The following HAUS6 variants were observed in gnomAD, a reference collection of about 807,000 sequenced individuals.
HAUS6 encodes HAUS augmin-like complex subunit 6.
Under a neutral mutation model 106.8 loss-of-function variants are expected in HAUS6, and 80 were observed. That is an observed-to-expected ratio of 0.75 (90% CI 0.63 to 0.90). The LOEUF is 0.90. Among genes scored for constraint, HAUS6 ranks in the 40% least tolerant of loss-of-function variants. The pLI, the probability that HAUS6 is intolerant of heterozygous loss-of-function variation, is 0.00. For missense variants in HAUS6, 1,155 were observed against 1,118.1 expected, an observed-to-expected ratio of 1.03 and a Z score of -0.47; for synonymous variants, 356 against 379.1, an observed-to-expected ratio of 0.94 and a Z score of 0.71.
At position 19,053,163 on chromosome 9, in the gene HAUS6, A is replaced by C. The variant is rs1370462736; in HGVS notation, c.*3180T>G. On this transcript the variant is annotated 3_prime_UTR_variant, in exon 17 of 17. Transcript: ENST00000380502. ...CCAGATAGTATAAAATATTTATTGA[A>C]AACAACAGTATTTAAAACATTTACA... 6.6e-6 allele frequency: 1 copy of C among 152,128 alleles called. No homozygotes were observed. Among genetic ancestry groups the C allele is most frequent in the Non-Finnish European group, 1.5e-5 (1 of 67,990 alleles). 9.4% of individuals were successfully genotyped at this position (152,128 alleles called of 1,614,324 possible).
intron 4 of HAUS6, among the ~76,000 whole-genome samples, chr9:19,092,831 A>T (rs1278142390): frequency 6.6e-6 from 1 of 151,136 alleles, no homozygotes; most frequent in Admixed American, 6.6e-5. Context: ...AGGCTGAGGC[A>T]GGAAAATTGC....
chr9:19,096,761 A>G lies in HAUS6; in HGVS notation c.137T>C (p.Phe46Ser), dbSNP rs769801485. 1 of 1,511,628 alleles carries G rather than the reference A, an allele frequency of 6.6e-7. No individual in the cohort carries two copies. The highest frequency in any genetic ancestry group is 9.0e-7 in the Non-Finnish European group (1 of 1,111,974). The allele number at this position is 1,511,628 out of a possible 1,614,324, so 93.6% of individuals were successfully genotyped here. A position where few individuals can be genotyped will look rare whatever the true frequency, so the allele number is the denominator to read the frequency against. Residue 46 changes from phenylalanine (F) to serine (S), a missense_variant, in exon 2 of 17, where the codon TTT (phenylalanine) becomes TCT (serine). By Grantham distance (155) the Phe-to-Ser change is radical. Coordinates refer to ENST00000380502, the MANE Select transcript of HAUS6 (RefSeq NM_017645.5). The stretch of plus-strand genomic sequence containing the variant: ...AAAGGCATCACGGTTCAGCTTGTCA[A>G]ACATGTTCCTAGTGGTTAAAAATGA... ...VSHTHLGVNMFDKLNRDAFHI... is the reference protein window; with the variant it reads ...VSHTHLGVNMSDKLNRDAFHI...
In HAUS6 at chr9:19,090,755, T is replaced by C. The variant is rs140452949; in HGVS notation, c.437-1196A>G. 3.1e-3 allele frequency among the ~76,000 whole-genome samples: 477 copies of C among 152,314 alleles called. 3 individuals carry two copies. Among genetic ancestry groups the C allele is most frequent in the African/African-American group, 0.011 (455 of 41,578 alleles). On this transcript the variant is annotated intron_variant, in intron 4 of 16. Coordinates refer to ENST00000380502, the MANE Select transcript of HAUS6 (RefSeq NM_017645.5). ...GCTGCCATCAGTTTACTTTTCCTCC[T>C]AGTAAGACCAATAGGACAGGATAAC...
rs1444811373 is a variant in HAUS6, at chr9:19,078,449, C to G, written c.1065-147G>C. ...ATACCACATATAAATTAAATAAACT[C>G]TCACAGGTGAATATTCAGAACCTAA... On this transcript the variant is annotated intron_variant, in intron 9 of 16. Transcript: ENST00000380502. The G allele has an allele frequency of 5.2e-6, 3 of 574,748 alleles. No individual in the cohort carries two copies. In the African/African-American group the frequency reaches 5.8e-5, roughly 11 times the overall value. The allele number at this position is 574,748 out of a possible 1,614,324, so 35.6% of individuals were successfully genotyped here.
intron 7 of HAUS6, 40 bp from the exon 8 acceptor site, chr9:19,083,083 T>A (rs1837200161): frequency 3.2e-6 from 4 of 1,264,330 alleles, no homozygotes; most frequent in South Asian, 1.6e-5. Context: ...CCACACATAA[T>A]CTGTACATAT....
At position 19,055,877 on chromosome 9, in the gene HAUS6, T is replaced by C. The variant is rs1836457409; in HGVS notation, c.*466A>G. 6.5e-6 allele frequency: 1 copy of C among 152,764 alleles called. No individual in the cohort carries two copies. The highest frequency in any genetic ancestry group is 1.5e-5 in the Non-Finnish European group (1 of 68,422). 9.5% of individuals were successfully genotyped at this position (152,764 alleles called of 1,614,324 possible). On this transcript the variant is annotated 3_prime_UTR_variant, in exon 17 of 17. Coordinates refer to ENST00000380502, the MANE Select transcript of HAUS6 (RefSeq NM_017645.5). ...GTACTACTTTTCTCACTTTTTCTGG[T>C]TAGCCAGAATGTTCCATTAAGAAAC... is the stretch of plus-strand genomic sequence containing the variant.
chr9:19,066,950 T>C (rs1008105157), intron 12 of HAUS6, among the ~76,000 whole-genome samples: 1 of 151,112 alleles, frequency 6.6e-6, no homozygotes, highest in African/African-American at 2.4e-5. Flanking sequence ...AAGGCTGCAG[T>C]GAGCTATGAC....
chr9:19,084,047 C>T (rs927587486), intron 7 of HAUS6, among the ~76,000 whole-genome samples: 15 of 111,196 alleles, frequency 1.3e-4, no homozygotes, highest in African/African-American at 5.9e-4. Context: ...GCCCAGGATC[C>T]TTGCAAAAAA....
chr9:19,092,411 T>A, intron 4 of HAUS6, among the ~76,000 whole-genome samples: 1 of 150,390 alleles, frequency 6.6e-6, no homozygotes, highest in South Asian at 2.1e-4. Flanking sequence ...AGGTCGGGAG[T>A]TTGAGACCAG....
intron 5 of HAUS6, 88 bp from the exon 6 acceptor site, chr9:19,087,244 T>C (rs1268878456): frequency 5.1e-6 from 4 of 788,462 alleles, no homozygotes; most frequent in Non-Finnish European, 9.0e-6. Context: ...TGCATATCCT[T>C]GTTTAAGGCC....
chr9:19,061,249 G>A (rs182636353), intron 14 of HAUS6, among the ~76,000 whole-genome samples: 1 of 152,270 alleles, frequency 6.6e-6, no homozygotes, highest in East Asian at 1.9e-4. Flanking sequence ...AAAACAGAGT[G>A]CTTCTGGGAA....
At chr9:19,069,478 C>G (rs1175887389) in intron 12 of HAUS6, among the ~76,000 whole-genome samples, 1 of 152,096 alleles carries the variant, frequency 6.6e-6, no homozygotes, top group Non-Finnish European at 1.5e-5. Context: ...CACCTGAGAT[C>G]AGGAGTTCGA....
intron 1 of HAUS6, among the ~76,000 whole-genome samples, chr9:19,098,808 A>C (rs1817919758): frequency 6.6e-6 from 1 of 152,120 alleles, no homozygotes; most frequent in South Asian, 2.1e-4. Context: ...GGATCACCTG[A>C]GGTCGGGAGT....
Position 19,056,417 on chromosome 9 carries a change from T to A in HAUS6, c.2807-13A>T. ...AAAATGTCTTCTTCTGCAAATTGAT[T>A]TTAAAAAAGTATAAGCAAACATTAC... On this transcript the variant is annotated splice_polypyrimidine_tract_variant and intron_variant, in intron 16 of 16. Transcript: ENST00000380502. 1 of 1,446,376 alleles carries A rather than the reference T, an allele frequency of 6.9e-7. No homozygotes were observed. The highest frequency in any genetic ancestry group is 1.1e-5 in the South Asian group (1 of 87,038). The allele number at this position is 1,446,376 out of a possible 1,614,324, so 89.6% of individuals were successfully genotyped here. A position where few individuals can be genotyped will look rare whatever the true frequency, so the allele number is the denominator to read the frequency against.
rs972087099 is a variant in HAUS6 at position 19,062,213 on chromosome 9, G to A, written c.1629+795C>T. On this transcript the variant is annotated intron_variant, in intron 14 of 16. Transcript: ENST00000380502. ...GAAAATCAAGTTCATGAACAACAAT[G>A]CATCTAATCACTTCTGAAATATTTT... 3.9e-5 allele frequency among the ~76,000 whole-genome samples: 6 copies of A among 152,266 alleles called. 1 individual carries two copies. Among genetic ancestry groups the A allele is most frequent in the Admixed American group, 1.3e-4 (2 of 15,294 alleles).
At chr9:19,078,092 C>A in intron 10 of HAUS6, 84 bp downstream of exon 10, 1 of 1,101,354 alleles carries the variant, frequency 9.1e-7, no homozygotes, top group Admixed American at 2.1e-5. Flanking sequence ...CTACTCCAGC[C>A]TGGGCAACAG....
intron 1 of HAUS6, among the ~76,000 whole-genome samples, chr9:19,099,171 G>T (rs1469440252): frequency 9.1e-5 from 13 of 143,020 alleles, no homozygotes; most frequent in Non-Finnish European, 1.4e-4. Context: ...GTTTTTTTGT[G>T]TTTTTTTTTT....
At position 19,062,463 on chromosome 9, in the gene HAUS6, T is replaced by C. The variant is rs139181048; in HGVS notation, c.1629+545A>G. Among the ~76,000 whole-genome samples, 335 of 152,310 alleles carry C rather than the reference T, an allele frequency of 2.2e-3. 1 individual carries two copies. Among genetic ancestry groups the C allele is most frequent in the African/African-American group, 7.6e-3 (315 of 41,564 alleles). On this transcript the variant is annotated intron_variant, in intron 14 of 16. Transcript: ENST00000380502. ...ATACTTTCAGGTAATGTTTAAAGAA[T>C]GGGAAGTGGGTTCTAAACCACAGAT...
intron 7 of HAUS6, among the ~76,000 whole-genome samples, chr9:19,085,507 C>T (rs1042767057): frequency 5.9e-5 from 9 of 151,730 alleles, no homozygotes; most frequent in Admixed American, 5.9e-4. Context: ...CTGAAGAGGG[C>T]GCTAACCTTT....
Sources: allele counts gnomAD v4.1 joint callset (sites outside exome capture counted in the v4.1 genomes callset), GRCh38; gene constraint gnomAD v4.1.1; transcripts MANE v1.5; gene names NCBI Gene and HGNC (gene_info 2026-07-23, HGNC 2026-07-21).